The following FANCC variants were observed in gnomAD, a reference collection of about 807,000 sequenced individuals.
The protein encoded by FANCC is FA complementation group C.
Under a neutral mutation model 71.3 loss-of-function variants are expected in FANCC, and 55 were observed. The observed-to-expected ratio is 0.77, with a 90% CI of 0.62 to 0.97. The LOEUF is 0.97. Ranked by LOEUF, FANCC falls within the 50% of genes least tolerant of loss-of-function variation. The pLI is 0.00. For missense variants in FANCC, 678 were observed against 670.9 expected, an observed-to-expected ratio of 1.01 and a Z score of -0.12; for synonymous variants, 275 against 244.9, an observed-to-expected ratio of 1.12 and a Z score of -1.15.
At chr9:95,253,532 T>C (rs1386049425) in intron 1 of FANCC, among the ~76,000 whole-genome samples, 2 of 152,260 alleles carry the variant, frequency 1.3e-5, no homozygotes, top group African/African-American at 4.8e-5. Context: ...TCTGCTCCTC[T>C]ACAGGTAAAG....
rs548064261 is a variant in FANCC, at chr9:95,101,224, T to C, written c.*483A>G. The C allele has an allele frequency of 1.6e-4, 41 of 255,716 alleles. No homozygotes were observed. Among genetic ancestry groups the C allele is most frequent in the Non-Finnish European group, 2.9e-4 (38 of 130,270 alleles). The allele number at this position is 255,716 out of a possible 1,614,324, so 15.8% of individuals were successfully genotyped here. On this transcript the variant is annotated 3_prime_UTR_variant, in exon 15 of 15. Transcript: ENST00000289081. ...GGGACCCTGACTCCCCTTGAAGAAT[T>C]TCTCCATACAGCAAGACAGTGTGGC...
chr9:95,230,578 G>C (rs1157189413), intron 4 of FANCC, among the ~76,000 whole-genome samples: 1 of 152,122 alleles, frequency 6.6e-6, no homozygotes, highest in African/African-American at 2.4e-5. Flanking sequence ...AGATGTGTCT[G>C]GAGTTTCTTC....
At chr9:95,139,710 T>A (rs1041693312) in intron 7 of FANCC, among the ~76,000 whole-genome samples, 5 of 151,626 alleles carry the variant, frequency 3.3e-5, no homozygotes, top group African/African-American at 1.2e-4. Context: ...ATGGACTTTA[T>A]GTTTAACAAG....
chr9:95,260,905 C>T (rs1170347107), intron 1 of FANCC, among the ~76,000 whole-genome samples: 1 of 152,240 alleles, frequency 6.6e-6, no homozygotes. Context: ...AAACCACCCA[C>T]CAGGATGGGC....
At position 95,206,591 on chromosome 9, in the gene FANCC, C is replaced by T. The variant is rs796095745; in HGVS notation, c.345+34058G>A. On this transcript the variant is annotated intron_variant, in intron 4 of 14. Transcript: ENST00000289081. ...ATGGCTTAACTTACCGTACATCTAA[C>T]GCTGCAATGAAAATAGATATGCCAC... is the stretch of plus-strand genomic sequence containing the variant. Among the ~76,000 whole-genome samples the T allele has an allele frequency of 4.6e-5, 7 of 152,102 alleles. No homozygotes were observed. The South Asian group carries it at 6.2e-4, about 14-fold the overall frequency.
At chr9:95,239,500 T>C (rs1347282649) in intron 4 of FANCC, among the ~76,000 whole-genome samples, 2 of 152,188 alleles carry the variant, frequency 1.3e-5, no homozygotes, top group Non-Finnish European at 2.9e-5. Context: ...AGCTATCTAA[T>C]ACAAAATTAT....
At chr9:95,308,413 A>G (rs1329820613) in intron 1 of FANCC, among the ~76,000 whole-genome samples, 1 of 151,534 alleles carries the variant, frequency 6.6e-6, no homozygotes, top group Admixed American at 6.6e-5. Context: ...CCTCCCAAGT[A>G]GCTGGGATTA....
intron 4 of FANCC, among the ~76,000 whole-genome samples, chr9:95,215,224 T>TC: frequency 6.6e-6 from 1 of 152,138 alleles, no homozygotes; most frequent in African/African-American, 2.4e-5. Flanking sequence ...CCACTTTGCA[T>TC]CTGAGGATGC....
At chr9:95,115,970 G>A (rs556986968) in intron 11 of FANCC, among the ~76,000 whole-genome samples, 2 of 152,310 alleles carry the variant, frequency 1.3e-5, no homozygotes, top group South Asian at 4.1e-4. Context: ...TCTTCAATCT[G>A]TGACCATAAC....
chr9:95,199,012 C>T (rs951016215), intron 4 of FANCC, among the ~76,000 whole-genome samples: 10 of 152,246 alleles, frequency 6.6e-5, no homozygotes, highest in African/African-American at 2.4e-4. Flanking sequence ...CAGGTGTGAG[C>T]TACTGTGCCT....
chr9:95,302,090 AAAAAAAACAAAG>A (rs1274713389), intron 1 of FANCC, among the ~76,000 whole-genome samples: 4 of 151,372 alleles, frequency 2.6e-5, no homozygotes, highest in Non-Finnish European at 5.9e-5. Context: ...TCAAAAAAAA[AAAAAAAACAAAG>A]AAAAAAACAA....
intron 1 of FANCC, among the ~76,000 whole-genome samples, chr9:95,250,145 G>A (rs1831239541): frequency 6.6e-6 from 1 of 152,136 alleles, no homozygotes; most frequent in Admixed American, 6.5e-5. Flanking sequence ...CTGGCTCAGC[G>A]GCTCCAGCTG....
rs754689024 is a variant in FANCC, at chr9:95,135,548, G to A, written c.687-46C>T. 7 of 1,560,936 alleles carry A rather than the reference G, an allele frequency of 4.5e-6. No individual in the cohort carries two copies. In the Admixed American group the frequency reaches 1.0e-4, roughly 23 times the overall value. ...AAATTTTAAACAGAAATGGCTCACTGAAAAAAGAAGATTAAAAAAAGTTCA... is the reference window on the plus strand; with the variant it reads ...AAATTTTAAACAGAAATGGCTCACTAAAAAAAGAAGATTAAAAAAAGTTCA... On this transcript the variant is annotated intron_variant, in intron 7 of 14. Transcript: ENST00000289081.
intron 1 of FANCC, among the ~76,000 whole-genome samples, chr9:95,286,454 A>C (rs1225064078): frequency 6.6e-6 from 1 of 152,220 alleles, no homozygotes; most frequent in Admixed American, 6.5e-5. Flanking sequence ...TACTGTCATG[A>C]CCGGTATGAT....
At chr9:95,244,304 A>G (rs984241223) in intron 3 of FANCC, among the ~76,000 whole-genome samples, 3 of 152,234 alleles carry the variant, frequency 2.0e-5, no homozygotes, top group African/African-American at 7.2e-5. Context: ...GACCTGCTTA[A>G]GTATCTCTTT....
chr9:95,215,523 C>G (rs1388847787), intron 4 of FANCC, among the ~76,000 whole-genome samples: 1 of 152,140 alleles, frequency 6.6e-6, no homozygotes, highest in Admixed American at 6.5e-5. Context: ...TACTCCTCCC[C>G]CCGAAAGGTG....
chr9:95,178,010 A>G (rs2135640843), intron 4 of FANCC, among the ~76,000 whole-genome samples: 1 of 152,310 alleles, frequency 6.6e-6, no homozygotes, highest in East Asian at 1.9e-4. Flanking sequence ...ACAAATTTGT[A>G]AACTTTCTTA....
intron 1 of FANCC, among the ~76,000 whole-genome samples, chr9:95,251,048 C>T (rs1298299319): frequency 2.6e-5 from 4 of 152,212 alleles, no homozygotes; most frequent in Non-Finnish European, 5.9e-5. Context: ...ACGGTCCAGC[C>T]CATGCCTCTC....
intron 1 of FANCC, among the ~76,000 whole-genome samples, chr9:95,314,887 T>C (rs1230780720): frequency 2.0e-5 from 3 of 151,968 alleles, no homozygotes; most frequent in Non-Finnish European, 2.9e-5. Context: ...CAAATAGATA[T>C]GCAAAATTAA....
Sources: gnomAD v4.1 joint callset for allele counts (sites outside exome capture counted in the v4.1 genomes callset) on GRCh38, gnomAD v4.1.1 for gene constraint, MANE v1.5 for transcripts, NCBI Gene and HGNC (gene_info 2026-07-23, HGNC 2026-07-21) for gene names.